CCSER1: variants seen among roughly 807,000 people sequenced by gnomAD.
CCSER1 encodes coiled-coil serine rich protein 1.
CCSER1 carries 41 observed loss-of-function variants against 82.0 expected under a neutral mutation model. That is an observed-to-expected ratio of 0.50 (90% CI 0.39 to 0.65). The LOEUF is 0.65. Among genes scored for constraint, CCSER1 ranks in the 30% least tolerant of loss-of-function variants. The pLI, the probability that CCSER1 is intolerant of heterozygous loss-of-function variation, is 0.00. For missense variants in CCSER1, 1,119 were observed against 1,064.2 expected, an observed-to-expected ratio of 1.05 and a Z score of -0.72; for synonymous variants, 414 against 383.9, an observed-to-expected ratio of 1.08 and a Z score of -0.92.
intron 5 of CCSER1, among the ~76,000 whole-genome samples, chr4:90,496,899 A>G (rs1769091102): frequency 6.8e-6 from 1 of 146,998 alleles, no homozygotes; most frequent in South Asian, 2.1e-4. Context: ...AATCGCTTGA[A>G]CCCAGGAGGC....
chr4:91,446,209 A>AC (rs1755543799), intron 10 of CCSER1, among the ~76,000 whole-genome samples: 1 of 48,888 alleles, frequency 2.0e-5, no homozygotes, highest in Non-Finnish European at 4.0e-5. Context: ...TATTCCTCAT[A>AC]CTTTTTTGCC....
intron 10 of CCSER1, among the ~76,000 whole-genome samples, chr4:91,212,259 G>A (rs770742018): frequency 3.3e-5 from 5 of 151,678 alleles, no homozygotes; most frequent in Non-Finnish European, 5.9e-5. Context: ...TCTAGGGCTC[G>A]TTTGAAAACA....
intron 1 of CCSER1, among the ~76,000 whole-genome samples, chr4:90,154,884 C>T (rs1365538425): frequency 1.3e-5 from 2 of 151,928 alleles, no homozygotes; most frequent in Non-Finnish European, 2.9e-5. Flanking sequence ...CTTCTCCTGC[C>T]TAATTGCCCT....
chr4:90,514,425 G>A (rs970052771), intron 5 of CCSER1, among the ~76,000 whole-genome samples: 3 of 152,076 alleles, frequency 2.0e-5, no homozygotes, highest in African/African-American at 7.2e-5. Flanking sequence ...AATTTTAATA[G>A]ATTATAGCTA....
At chr4:91,379,652 A>G (rs114376192) in intron 10 of CCSER1, among the ~76,000 whole-genome samples, 2,981 of 150,610 alleles carry the variant, frequency 0.02, 76 homozygotes, top group African/African-American at 0.067. Context: ...TGCTTTATTC[A>G]TCTTGCTAGT....
intron 8 of CCSER1, among the ~76,000 whole-genome samples, chr4:90,822,298 G>A (rs1217515200): frequency 6.6e-6 from 1 of 152,158 alleles, no homozygotes; most frequent in Non-Finnish European, 1.5e-5. Flanking sequence ...CTAAATGTAA[G>A]TTGTCAGCAG....
chr4:91,559,626 A>G (rs1383492995), intron 10 of CCSER1, among the ~76,000 whole-genome samples: 1 of 151,564 alleles, frequency 6.6e-6, no homozygotes, highest in Non-Finnish European at 1.5e-5. Flanking sequence ...TAGAAACATG[A>G]AAATCAAACT....
rs78619168 is a variant in CCSER1, at chr4:91,076,982, G to A, written c.2173-8968G>A. Among the ~76,000 whole-genome samples, 810 of 152,284 alleles carry A rather than the reference G, an allele frequency of 5.3e-3. 7 individuals are homozygous for A. Among genetic ancestry groups the A allele is most frequent in the African/African-American group, 0.017 (700 of 41,558 alleles). ...AATACACAAAGAGCTCTAGAAATCC[G>A]CATAGGGCCTCCCCAGAATATTTGT... On this transcript the variant is annotated intron_variant, in intron 9 of 10. Coordinates refer to ENST00000509176, the MANE Select transcript of CCSER1 (RefSeq NM_001145065.2).
At chr4:90,788,148 T>C (rs1580468544) in intron 7 of CCSER1, among the ~76,000 whole-genome samples, 1 of 152,330 alleles carries the variant, frequency 6.6e-6, no homozygotes, top group South Asian at 2.1e-4. Flanking sequence ...TGGAGAGCTT[T>C]GAGGTGAAAG....
intron 10 of CCSER1, among the ~76,000 whole-genome samples, chr4:91,194,883 A>G (rs962139561): frequency 1.3e-5 from 2 of 152,194 alleles, no homozygotes; most frequent in Non-Finnish European, 2.9e-5. Context: ...ACAGAGGAAA[A>G]TCTTTAAGTG....
intron 10 of CCSER1, among the ~76,000 whole-genome samples, chr4:91,393,410 A>G (rs1751781386): frequency 6.6e-6 from 1 of 152,134 alleles, no homozygotes; most frequent in South Asian, 2.1e-4. Flanking sequence ...CCTCTGCTGA[A>G]CTAAAATGGA....
chr4:90,781,389 A>G (rs543296767), intron 7 of CCSER1: 1 of 985,444 alleles, frequency 1.0e-6, no homozygotes, highest in South Asian at 4.7e-5. Context: ...TGGGGCTTTG[A>G]GCCCCTGTCC....
chr4:90,841,075 A>C lies in CCSER1; in HGVS notation c.2094+25230A>C, dbSNP rs534698692. Among the ~76,000 whole-genome samples the C allele has an allele frequency of 7.9e-5, 12 of 152,308 alleles. No homozygotes were observed. In the East Asian group the frequency reaches 1.7e-3, roughly 22 times the overall value. On this transcript the variant is annotated intron_variant, in intron 8 of 10. Transcript: ENST00000509176. The stretch of plus-strand genomic sequence containing the variant: ...AGATACTGAGTCAGCAGCTAGAGTA[A>C]GTTGTCACTAAATGATGCTTTTCCT...
At chr4:90,271,830 A>G (rs1288321118) in intron 1 of CCSER1, among the ~76,000 whole-genome samples, 1 of 16,988 alleles carries the variant, frequency 5.9e-5, no homozygotes, top group Non-Finnish European at 9.5e-5. Context: ...GACAATTTAT[A>G]TATATATATA....
At chr4:90,396,289 A>T (rs2153541946) in intron 3 of CCSER1, among the ~76,000 whole-genome samples, 1 of 152,238 alleles carries the variant, frequency 6.6e-6, no homozygotes, top group East Asian at 1.9e-4. Context: ...CATTAGTGTT[A>T]ATCAATTGCT....
intron 10 of CCSER1, among the ~76,000 whole-genome samples, chr4:91,503,603 A>C (rs978857278): frequency 2.0e-5 from 3 of 152,136 alleles, no homozygotes; most frequent in Non-Finnish European, 4.4e-5. Context: ...TTGAGCTAAA[A>C]AATGTTAAAA....
chr4:90,296,773 C>T (rs76945681), intron 1 of CCSER1, among the ~76,000 whole-genome samples: 77,313 of 151,890 alleles, frequency 0.51, 20,622 homozygotes, highest in African/African-American at 0.68. Flanking sequence ...TGCTTGTTTT[C>T]CTCAGATTTG....
At position 90,941,565 on chromosome 4, in the gene CCSER1, A is replaced by G. The variant is rs150782662; in HGVS notation, c.2172+18118A>G. Among the ~76,000 whole-genome samples the G allele has an allele frequency of 1.8e-4, 27 of 152,274 alleles. No homozygotes were observed. In the East Asian group the frequency reaches 2.9e-3, roughly 16 times the overall value. Reference sequence around the variant, plus strand: ...ATTTAACTTGCAACTAGAAGTAGAAATGTCCAAATTAACAAGGAGATGCTT... The same window carrying G: ...ATTTAACTTGCAACTAGAAGTAGAAGTGTCCAAATTAACAAGGAGATGCTT... On this transcript the variant is annotated intron_variant, in intron 9 of 10. Transcript: ENST00000509176.
intron 10 of CCSER1, among the ~76,000 whole-genome samples, chr4:91,485,125 T>A (rs1412301076): frequency 2.6e-5 from 4 of 152,054 alleles, no homozygotes; most frequent in African/African-American, 9.7e-5. Flanking sequence ...GATAAAAAGC[T>A]ATTTCCCATA....
Sources: gnomAD v4.1 joint callset for allele counts (sites outside exome capture counted in the v4.1 genomes callset) on GRCh38, gnomAD v4.1.1 for gene constraint, MANE v1.5 for transcripts, NCBI Gene and HGNC (gene_info 2026-07-23, HGNC 2026-07-21) for gene names.